Variants in CNTN4 observed in about 807,000 individuals in gnomAD.
CNTN4 encodes contactin 4.
In CNTN4, 77 loss-of-function variants were observed where a neutral mutation model predicts 122.5. The observed-to-expected ratio is 0.63, with a 90% CI of 0.52 to 0.76. The LOEUF is 0.76. Among genes scored for constraint, CNTN4 ranks in the 30% least tolerant of loss-of-function variants. The pLI, the probability that CNTN4 is intolerant of heterozygous loss-of-function variation, is 0.00. For synonymous variants in CNTN4, 512 were observed against 447.0 expected (o/e 1.15, Z -1.83); for missense variants, 1,256 against 1,259.1 (o/e 1.00, Z 0.04).
chr3:2,307,919 C>A (rs2042778490), intron 2 of CNTN4, among the ~76,000 whole-genome samples: 1 of 152,040 alleles, frequency 6.6e-6, no homozygotes, highest in Admixed American at 6.6e-5. Flanking sequence ...GTTTGGGTAT[C>A]ATGGTAATAA....
intron 4 of CNTN4, among the ~76,000 whole-genome samples, chr3:2,647,315 A>G (rs1426164029): frequency 1.3e-5 from 2 of 152,070 alleles, no homozygotes; most frequent in African/African-American, 4.8e-5. Context: ...TGGGAGGCAG[A>G]GGTTGCAGTG....
chr3:2,909,378 C>T (rs2094274419), intron 12 of CNTN4, among the ~76,000 whole-genome samples: 1 of 151,780 alleles, frequency 6.6e-6, no homozygotes. Flanking sequence ...CACGTGAAAG[C>T]CTTTGCAAAC....
Position 3,038,958 on chromosome 3 carries a change from C to A in CNTN4, c.2118C>A (p.Val706=). ...EALPEVTPAN[V]SGGGGSKSEL... Reference sequence around the variant, plus strand: ...TCCCCGAAGTCACACCAGCGAATGTCAGTGGTGGCGGAGGCAGCAAATCTG... The same window carrying A: ...TCCCCGAAGTCACACCAGCGAATGTAAGTGGTGGCGGAGGCAGCAAATCTG... Residue 706 remains valine (V), a synonymous_variant, in exon 19 of 25, where the codon GTC becomes GTA. Transcript: ENST00000418658. 1 of 1,614,106 alleles carries A rather than the reference C, an allele frequency of 6.2e-7. No individual in the cohort carries two copies. The highest frequency in any genetic ancestry group is 1.1e-5 in the South Asian group (1 of 91,074).
At chr3:2,786,347 C>A (rs62232888) in intron 6 of CNTN4, among the ~76,000 whole-genome samples, 11 of 152,120 alleles carry the variant, frequency 7.2e-5, no homozygotes, top group African/African-American at 2.7e-4. Context: ...TCCGGGGCTC[C>A]GGGGCCACAG....
chr3:2,246,457 G>A (rs2040154328), intron 2 of CNTN4, among the ~76,000 whole-genome samples: 1 of 151,922 alleles, frequency 6.6e-6, no homozygotes, highest in South Asian at 2.1e-4. Flanking sequence ...TTTAACATTT[G>A]CCTTAAGTAA....
rs758370753 is a variant in CNTN4, at chr3:3,043,029, C to T, written c.2564C>T (p.Thr855Ile). ...DKEENARKIR[T>I]VGNQTSTKIT... ...GAAGAAAATGCTAGAAAAATACGAA[C>T]AGTTGGAAATCAGACATCAACAAAA... Residue 855 changes from threonine (T) to isoleucine (I), a missense_variant, in exon 22 of 25, where the codon ACA (threonine) becomes ATA (isoleucine). By Grantham distance (89) the Thr-to-Ile change is moderately conservative (BLOSUM62 -1). Coordinates refer to ENST00000418658, the MANE Select transcript of CNTN4 (RefSeq NM_175607.3). 1 of 1,614,082 alleles carries T rather than the reference C, an allele frequency of 6.2e-7. No individual in the cohort carries two copies. The highest frequency in any genetic ancestry group is 2.2e-5 in the East Asian group (1 of 44,882).
chr3:2,664,427 A>G (rs1430289352), intron 4 of CNTN4, among the ~76,000 whole-genome samples: 1 of 152,044 alleles, frequency 6.6e-6, no homozygotes, highest in South Asian at 2.1e-4. Flanking sequence ...TTTTTCCTTA[A>G]GTAAGTCTAG....
chr3:2,529,516 G>C (rs1251822406), intron 3 of CNTN4, among the ~76,000 whole-genome samples: 2 of 152,028 alleles, frequency 1.3e-5, no homozygotes, highest in Non-Finnish European at 2.9e-5. Flanking sequence ...TATTTGTATG[G>C]AGTAGAAAAT....
rs140868447 is a variant in CNTN4 at position 2,246,257 on chromosome 3, A to G, written c.-144-92921A>G. Among the ~76,000 whole-genome samples, 215 of 152,190 alleles carry G rather than the reference A, an allele frequency of 1.4e-3. 2 individuals are homozygous for G. Among genetic ancestry groups the G allele is most frequent in the East Asian group, 1.9e-3 (10 of 5,170 alleles). Reference sequence around the variant, plus strand: ...AATGTTTAGATTCTGTGGCTGAGATACAGTAAAGTGCACAAAATCATGCAA... The same window carrying G: ...AATGTTTAGATTCTGTGGCTGAGATGCAGTAAAGTGCACAAAATCATGCAA... On this transcript the variant is annotated intron_variant, in intron 2 of 24. Transcript: ENST00000418658.
chr3:3,036,746 A>G (rs1287487736), intron 17 of CNTN4, among the ~76,000 whole-genome samples: 3 of 115,986 alleles, frequency 2.6e-5, no homozygotes, highest in Admixed American at 8.2e-5. Flanking sequence ...TACCCTGGGC[A>G]TCAGAGAGAG....
At chr3:3,041,460 C>T (rs1473292225) in intron 20 of CNTN4, among the ~76,000 whole-genome samples, 1 of 152,194 alleles carries the variant, frequency 6.6e-6, no homozygotes, top group East Asian at 1.9e-4. Flanking sequence ...GACTAAGATT[C>T]AAGAGAGCTG....
intron 14 of CNTN4, among the ~76,000 whole-genome samples, chr3:3,008,131 T>C (rs1332184830): frequency 6.6e-6 from 1 of 152,164 alleles, no homozygotes; most frequent in African/African-American, 2.4e-5. Flanking sequence ...TGAGTCCTAC[T>C]AAGAGAGAAG....
At chr3:2,445,423 G>A (rs1386644402) in intron 3 of CNTN4, among the ~76,000 whole-genome samples, 6 of 152,114 alleles carry the variant, frequency 3.9e-5, no homozygotes, top group African/African-American at 1.4e-4. Context: ...AGATAGAGGT[G>A]GAACCAAGGA....
chr3:2,977,651 C>T (rs966486261), intron 13 of CNTN4, among the ~76,000 whole-genome samples: 2 of 152,158 alleles, frequency 1.3e-5, no homozygotes, highest in Admixed American at 6.5e-5. Flanking sequence ...ACCCCTCCTG[C>T]GTATCACTTC....
intron 4 of CNTN4, among the ~76,000 whole-genome samples, chr3:2,588,977 G>A (rs1472860096): frequency 1.3e-5 from 2 of 152,078 alleles, no homozygotes; most frequent in Admixed American, 1.3e-4. Flanking sequence ...TCAATTTGGG[G>A]CTAAGATGTA....
At chr3:2,550,309 C>T (rs971676050) in intron 3 of CNTN4, among the ~76,000 whole-genome samples, 6 of 152,048 alleles carry the variant, frequency 3.9e-5, no homozygotes, top group Non-Finnish European at 5.9e-5. Context: ...AGACACTTCT[C>T]AAAAGGAGAC....
intron 3 of CNTN4, among the ~76,000 whole-genome samples, chr3:2,495,550 G>A (rs1259773478): frequency 6.6e-6 from 1 of 152,214 alleles, no homozygotes; most frequent in African/African-American, 2.4e-5. Context: ...TAGGAACCTG[G>A]CTGCACAGCA....
intron 3 of CNTN4, among the ~76,000 whole-genome samples, chr3:2,436,935 G>A (rs1464957345): frequency 6.6e-6 from 1 of 151,616 alleles, no homozygotes; most frequent in Non-Finnish European, 1.5e-5. Context: ...ATATACCTTA[G>A]AACTATACTT....
chr3:2,130,026 T>G (rs2034376694), intron 2 of CNTN4, among the ~76,000 whole-genome samples: 1 of 152,112 alleles, frequency 6.6e-6, no homozygotes, highest in South Asian at 2.1e-4. Context: ...GAAATTATTT[T>G]AAAAGATGTA....
Sources: gnomAD v4.1 joint callset for allele counts (sites outside exome capture counted in the v4.1 genomes callset) on GRCh38, gnomAD v4.1.1 for gene constraint, MANE v1.5 for transcripts, NCBI Gene and HGNC (gene_info 2026-07-23, HGNC 2026-07-21) for gene names.